Variants in TMEM132E observed in about 807,000 individuals in gnomAD.
TMEM132E encodes transmembrane protein 132E.
Under a neutral mutation model 78.5 loss-of-function variants are expected in TMEM132E, and 49 were observed. The observed-to-expected ratio is 0.62, with a 90% confidence interval of 0.50 to 0.79. The LOEUF is 0.79. Among genes scored for constraint, TMEM132E ranks in the 30% least tolerant of loss-of-function variants. The pLI is 0.00. For synonymous variants in TMEM132E, 715 were observed against 670.6 expected, an observed-to-expected ratio of 1.07 and a Z score of -1.02; for missense variants, 1,403 against 1,470.9, an observed-to-expected ratio of 0.95 and a Z score of 0.75.
intron 1 of TMEM132E, among the ~76,000 whole-genome samples, chr17:34,613,255 G>A (rs776360214): frequency 1.4e-5 from 2 of 148,042 alleles, no homozygotes; most frequent in East Asian, 4.3e-4. Flanking sequence ...CGTTGTTTGC[G>A]GCTAATTGTT....
chr17:34,584,045 G>A (rs1383137506), intron 1 of TMEM132E, among the ~76,000 whole-genome samples: 1 of 152,196 alleles, frequency 6.6e-6, no homozygotes, highest in Non-Finnish European at 1.5e-5. Context: ...TCAGCGTGGT[G>A]GATAAATCTG....
rs1555563343 is a variant in TMEM132E, at chr17:34,613,211, A to ACGCG, written c.68-12903_68-12900dup. ...CACACACACACCCACACACACACAC[A>ACGCG]CGCGCGCGCGCGCGCGTTCTTACAT... On this transcript the variant is annotated intron_variant, in intron 1 of 8. Coordinates refer to ENST00000631683, the MANE Select transcript of TMEM132E (RefSeq NM_001304438.2). Among the ~76,000 whole-genome samples, 777 of 115,828 alleles carry ACGCG rather than the reference A, an allele frequency of 6.7e-3. 2 individuals carry two copies. Among genetic ancestry groups the ACGCG allele is most frequent in the Middle Eastern group, 0.015 (3 of 204 alleles). The allele number at this position is 115,828 out of a possible 152,430, so 76.0% of individuals were successfully genotyped here. A position where few individuals can be genotyped will look rare whatever the true frequency, so the allele number is the denominator to read the frequency against.
intron 1 of TMEM132E, among the ~76,000 whole-genome samples, chr17:34,608,106 C>A (rs1015572035): frequency 2.6e-5 from 4 of 152,154 alleles, no homozygotes; most frequent in Admixed American, 1.3e-4. Flanking sequence ...CCCTGGCAAC[C>A]AGCTACAACC....
At chr17:34,630,937 GA>G (rs1907328638) in intron 5 of TMEM132E, among the ~76,000 whole-genome samples, 1 of 152,224 alleles carries the variant, frequency 6.6e-6, no homozygotes, top group Non-Finnish European at 1.5e-5. Flanking sequence ...ACAGTGGTCA[GA>G]AGTGAGTTGG....
chr17:34,630,053 GCCATC>G lies in TMEM132E; in HGVS notation c.1387_1391del (p.Ile463CysfsTer24). ...GGCCATTCTGACTGGCCGGACAGTG[GCCATC>G]CCTGTCAAGGTCATTGCCATCGAGG... On this transcript the variant is annotated frameshift_variant, in exon 5 of 9. Coordinates refer to ENST00000631683, the MANE Select transcript of TMEM132E (RefSeq NM_001304438.2). LOFTEE classifies it high-confidence loss of function. The G allele has an allele frequency of 6.2e-7, 1 of 1,613,296 alleles. No individual in the cohort carries two copies. Among genetic ancestry groups the G allele is most frequent in the Non-Finnish European group, 8.5e-7 (1 of 1,179,334 alleles).
intron 1 of TMEM132E, among the ~76,000 whole-genome samples, chr17:34,600,108 A>G (rs552283790): frequency 6.6e-6 from 1 of 152,328 alleles, no homozygotes; most frequent in East Asian, 1.9e-4. Flanking sequence ...TTCACTTCCT[A>G]TCTTCTTTTC....
At chr17:34,583,346 G>A (rs958930353) in intron 1 of TMEM132E, among the ~76,000 whole-genome samples, 1 of 152,090 alleles carries the variant, frequency 6.6e-6, no homozygotes, top group Non-Finnish European at 1.5e-5. Context: ...CTTCTCCATC[G>A]CATGTCTCAG....
chr17:34,592,812 A>T (rs552111307), intron 1 of TMEM132E, among the ~76,000 whole-genome samples: 28 of 152,226 alleles, frequency 1.8e-4, no homozygotes, highest in African/African-American at 6.7e-4. Flanking sequence ...GACAAACCAG[A>T]CCCACCCAGA....
At chr17:34,588,009 C>A (rs952947739) in intron 1 of TMEM132E, among the ~76,000 whole-genome samples, 7 of 152,296 alleles carry the variant, frequency 4.6e-5, no homozygotes, top group African/African-American at 1.4e-4. Flanking sequence ...CCATGCGGGC[C>A]CTTATACCTG....
intron 7 of TMEM132E, chr17:34,635,697 TC>T (rs1320333957): frequency 3.4e-6 from 1 of 290,872 alleles, no homozygotes. Context: ...CCCTTTTGTC[TC>T]CCTGACATTG....
chr17:34,586,398 C>T (rs770484538), intron 1 of TMEM132E, among the ~76,000 whole-genome samples: 1 of 152,034 alleles, frequency 6.6e-6, no homozygotes, highest in African/African-American at 2.4e-5. Flanking sequence ...GCTGGCTCTG[C>T]CATACTCCAG....
intron 1 of TMEM132E, among the ~76,000 whole-genome samples, chr17:34,605,116 C>T (rs1906370313): frequency 6.6e-6 from 1 of 152,148 alleles, no homozygotes; most frequent in African/African-American, 2.4e-5. Flanking sequence ...ATGTGCCTGT[C>T]CTCCACTTCC....
Position 34,630,319 on chromosome 17 carries a change from C to T in TMEM132E, c.1482+168C>T, listed in dbSNP as rs558301702. On this transcript the variant is annotated intron_variant, in intron 5 of 8. Coordinates refer to ENST00000631683, the MANE Select transcript of TMEM132E (RefSeq NM_001304438.2). ...TTGCAGCAGCTGCCCCCACCTTTTC[C>T]TCCTACAGCACTGGCCTTACTTCAT... is the stretch of plus-strand genomic sequence containing the variant. Among the ~76,000 whole-genome samples, 15 of 152,236 alleles carry T rather than the reference C, an allele frequency of 9.9e-5. 1 individual carries two copies. The South Asian group carries it at 2.9e-3, about 29-fold the overall frequency.
chr17:34,608,896 ATGACATGGAGGCCCC>A (rs113113777), intron 1 of TMEM132E, among the ~76,000 whole-genome samples: 4,388 of 152,272 alleles, frequency 0.029, 205 homozygotes, highest in African/African-American at 0.09. Context: ...CAGTAAAGCT[ATGACATGGAGGCCCC>A]TGTTTCCCAT....
At chr17:34,599,186 T>A (rs1164694004) in intron 1 of TMEM132E, among the ~76,000 whole-genome samples, 2 of 152,096 alleles carry the variant, frequency 1.3e-5, no homozygotes, top group Non-Finnish European at 2.9e-5. Context: ...GCATCTTCAG[T>A]AGAAACTGAG....
intron 1 of TMEM132E, among the ~76,000 whole-genome samples, chr17:34,603,461 A>C (rs1906308074): frequency 6.6e-6 from 1 of 152,174 alleles, no homozygotes; most frequent in South Asian, 2.1e-4. Context: ...TCCCAGGCTC[A>C]ACTGAGCACT....
At chr17:34,582,633 A>T (rs1263342371) in intron 1 of TMEM132E, among the ~76,000 whole-genome samples, 1 of 151,906 alleles carries the variant, frequency 6.6e-6, no homozygotes, top group Non-Finnish European at 1.5e-5. Context: ...AAGTGGGAGC[A>T]TAGCGGGGAA....
In TMEM132E at chr17:34,638,460, G is replaced by C. The variant is rs1355920243; in HGVS notation, c.*228G>C. 2.1e-6 allele frequency: 1 copy of C among 486,918 alleles called. No individual in the cohort carries two copies. Among genetic ancestry groups the C allele is most frequent in the Non-Finnish European group, 3.5e-6 (1 of 282,354 alleles). The allele number at this position is 486,918 out of a possible 1,614,324, so 30.2% of individuals were successfully genotyped here. ...CTGCAGGTGGAGGGCTCTTCCTCCA[G>C]TGGCTCGTAAGGAGGAAAGCAACCC... On this transcript the variant is annotated 3_prime_UTR_variant, in exon 9 of 9. Transcript: ENST00000631683.
chr17:34,637,503 C>A lies in TMEM132E; in HGVS notation c.2496C>A (p.Pro832=). The A allele has an allele frequency of 6.2e-7, 1 of 1,605,556 alleles. No individual in the cohort carries two copies. The highest frequency in any genetic ancestry group is 1.7e-5 in the Admixed American group (1 of 59,692). ...ACCCGGGCCCCAGCCAACCAGGGCC[C>A]GGCGGGGGCGAGGACGAGGCCCGGG... ...YDYPGPSQPG[P]GGGEDEARGA... The change falls in exon 9 of 9, where the codon CCC becomes CCA. Residue 832 remains proline, a synonymous_variant. Transcript: ENST00000631683.
Sources: gnomAD v4.1 joint callset for allele counts (sites outside exome capture counted in the v4.1 genomes callset) on GRCh38, gnomAD v4.1.1 for gene constraint, MANE v1.5 for transcripts, NCBI Gene and HGNC (gene_info 2026-07-23, HGNC 2026-07-21) for gene names.